RIMS1: variants seen among roughly 807,000 people sequenced by gnomAD.
RIMS1 encodes regulating synaptic membrane exocytosis protein 1.
RIMS1 carries 83 observed loss-of-function variants against 214.1 expected under a neutral mutation model. The observed-to-expected ratio is 0.39, with a 90% CI of 0.32 to 0.47. The LOEUF is 0.47. RIMS1 is among the 20% of genes least tolerant of loss of function. The pLI, the probability that RIMS1 is intolerant of heterozygous loss-of-function variation, is 0.99. For missense variants in RIMS1, 2,050 were observed against 2,161.8 expected (o/e 0.95, Z 1.03); for synonymous variants, 793 against 786.8 (o/e 1.01, Z -0.13).
At chr6:72,174,726 G>A (rs981390249) in intron 4 of RIMS1, among the ~76,000 whole-genome samples, 1 of 151,822 alleles carries the variant, frequency 6.6e-6, no homozygotes, top group African/African-American at 2.4e-5. Context: ...TATATAAATA[G>A]GATATAGAGT....
In RIMS1 at chr6:72,258,179, A is replaced by C. The variant is rs2076644731; in HGVS notation, c.2825A>C (p.Glu942Ala). Residue 942 changes from glutamate to alanine, a missense_variant, in exon 17 of 34, where the codon GAA becomes GCA. Transcript: ENST00000521978. ...ESKSTTLTVP[E>A]QQRTTHHRSR... ...AAATCTACAACATTAACTGTGCCAG[A>C]ACAGCAAAGAACAACTCATCACCGC... 1 of 1,613,214 alleles carries C rather than the reference A, an allele frequency of 6.2e-7. No homozygotes were observed. Among genetic ancestry groups the C allele is most frequent in the Non-Finnish European group, 8.5e-7 (1 of 1,179,536 alleles).
chr6:72,335,410 T>C (rs536523612), intron 29 of RIMS1, among the ~76,000 whole-genome samples: 1 of 152,054 alleles, frequency 6.6e-6, no homozygotes, highest in South Asian at 2.1e-4. Flanking sequence ...GGCTTCATCC[T>C]TTTTTATGGC....
In RIMS1 at chr6:72,182,789, G is replaced by A; in HGVS notation, c.1318G>A (p.Gly440Ser). The change falls in exon 6 of 34, where the codon GGC becomes AGC. Residue 440 changes from glycine to serine, a missense_variant. Gly to Ser is a moderately conservative substitution (Grantham distance 56). Coordinates refer to ENST00000521978, the MANE Select transcript of RIMS1 (RefSeq NM_014989.7). ...AERTAETRAP[G>S]AKQLTNHSPP... The stretch of plus-strand genomic sequence containing the variant: ...GAGAACTGCGGAGACCAGGGCGCCG[G>A]GCGCCAAGCAGCTAACGAACCACAG... 1.3e-6 allele frequency: 2 copies of A among 1,546,456 alleles called. No homozygotes were observed. Among genetic ancestry groups the A allele is most frequent in the South Asian group, 1.2e-5 (1 of 84,270 alleles).
At position 71,972,231 on chromosome 6, in the gene RIMS1, G is replaced by T. The variant is rs143580751; in HGVS notation, c.245+3168G>T. On this transcript the variant is annotated intron_variant, in intron 2 of 33. Coordinates refer to ENST00000521978, the MANE Select transcript of RIMS1 (RefSeq NM_014989.7). ...AAAATCAAGAAATAAGGGATGAAAA[G>T]TGTGCTTTGGTTTTCGTCATATAGA... Among the ~76,000 whole-genome samples the T allele has an allele frequency of 7.8e-3, 1,184 of 152,260 alleles. 14 individuals carry two copies. Among genetic ancestry groups the T allele is most frequent in the African/African-American group, 0.027 (1,115 of 41,552 alleles).
rs923848042 is a variant in RIMS1 at position 72,182,700 on chromosome 6, G to C, written c.1229G>C (p.Gly410Ala). 1.3e-6 allele frequency: 2 copies of C among 1,506,894 alleles called. No individual in the cohort carries two copies. Among genetic ancestry groups the C allele is most frequent in the East Asian group, 5.2e-5 (2 of 38,150 alleles). 93.3% of individuals were successfully genotyped at this position (1,506,894 alleles called of 1,614,324 possible). A position where few individuals can be genotyped will look rare whatever the true frequency, so the allele number is the denominator to read the frequency against. The change falls in exon 6 of 34, where the codon GGC (glycine) becomes GCC (alanine). Residue 410 changes from glycine (G) to alanine (A), a missense_variant. Transcript: ENST00000521978. ...AGAALPEGKAGKRAPAAARAS... is the reference protein window; with the variant it reads ...AGAALPEGKAAKRAPAAARAS... ...GCGGCGCTGCCGGAGGGCAAGGCCGGCAAACGCGCGCCGGCGGCAGCCAGG... is the reference window on the plus strand; with the variant it reads ...GCGGCGCTGCCGGAGGGCAAGGCCGCCAAACGCGCGCCGGCGGCAGCCAGG...
At chr6:72,252,605 A>C (rs2073927857) in intron 15 of RIMS1, among the ~76,000 whole-genome samples, 156 bp from the exon 16 acceptor site, 1 of 152,218 alleles carries the variant, frequency 6.6e-6, no homozygotes, top group Non-Finnish European at 1.5e-5. Flanking sequence ...TAGAGAACAA[A>C]CATTTCTTTT....
rs145828744 is a variant in RIMS1, at chr6:72,324,396, T to A, written c.4131-9204T>A. Among the ~76,000 whole-genome samples the A allele has an allele frequency of 3.3e-5, 5 of 152,056 alleles. No homozygotes were observed. The East Asian group carries it at 9.7e-4, about 29-fold the overall frequency. On this transcript the variant is annotated intron_variant, in intron 28 of 33. Coordinates refer to ENST00000521978, the MANE Select transcript of RIMS1 (RefSeq NM_014989.7). ...AAGTAAGTCAAAGTGCATATTTTAA[T>A]CTTTAGGGTAGTCACTAATAGCATA...
intron 19 of RIMS1, 120 bp from the exon 20 acceptor site, chr6:72,264,855 A>T: frequency 1.7e-6 from 1 of 588,188 alleles, no homozygotes; most frequent in Non-Finnish European, 2.9e-6. Flanking sequence ...CTTTTGAGAA[A>T]AAAATGACCA....
chr6:72,148,717 T>G (rs2043088420), intron 4 of RIMS1: 2 of 412,176 alleles, frequency 4.9e-6, no homozygotes, highest in African/African-American at 2.2e-5. Context: ...ACTTGGGTTT[T>G]TTTTTTTTTT....
chr6:72,069,890 T>C (rs1280814719), intron 2 of RIMS1, among the ~76,000 whole-genome samples: 3 of 152,238 alleles, frequency 2.0e-5, no homozygotes, highest in Non-Finnish European at 4.4e-5. Flanking sequence ...TTTGTTTGTA[T>C]GTGTTGGGAT....
intron 29 of RIMS1, among the ~76,000 whole-genome samples, chr6:72,385,358 G>A (rs2098573065): frequency 6.6e-6 from 1 of 152,132 alleles, no homozygotes. Flanking sequence ...GTACATAGAT[G>A]CAGATAATTA....
In RIMS1 at chr6:72,400,914, A is replaced by C. The variant is rs1480498543; in HGVS notation, c.*200A>C. 1 of 541,816 alleles carries C rather than the reference A, an allele frequency of 1.8e-6. No homozygotes were observed. The highest frequency in any genetic ancestry group is 3.3e-6 in the Non-Finnish European group (1 of 305,662). The allele number at this position is 541,816 out of a possible 1,614,324, so 33.6% of individuals were successfully genotyped here. Reference sequence around the variant, plus strand: ...GAACAAGGCAATCTATCAAATTTACAGGAAGAATCAACATGCTGGTGAGAG... The same window carrying C: ...GAACAAGGCAATCTATCAAATTTACCGGAAGAATCAACATGCTGGTGAGAG... On this transcript the variant is annotated 3_prime_UTR_variant, in exon 34 of 34. Coordinates refer to ENST00000521978, the MANE Select transcript of RIMS1 (RefSeq NM_014989.7).
chr6:72,138,873 G>T, intron 4 of RIMS1, among the ~76,000 whole-genome samples: 1 of 152,156 alleles, frequency 6.6e-6, no homozygotes, highest in East Asian at 1.9e-4. Flanking sequence ...GGTTACTACT[G>T]CTTGTTGTGA....
Position 72,245,946 on chromosome 6 carries a change from A to G in RIMS1, c.2128+85A>G, listed in dbSNP as rs192732886. 1.3e-3 allele frequency: 1,274 copies of G among 973,440 alleles called. 4 individuals are homozygous for G. Among genetic ancestry groups the G allele is most frequent in the Non-Finnish European group, 7.3e-4 (457 of 623,596 alleles). 60.3% of individuals were successfully genotyped at this position (973,440 alleles called of 1,614,324 possible). ...CTAATTTTCTTTAGTTATTTGATAT[A>G]ATGAATTGGGGTTACTATACTAAAG... is the stretch of plus-strand genomic sequence containing the variant. On this transcript the variant is annotated intron_variant, in intron 11 of 33. Transcript: ENST00000521978.
intron 4 of RIMS1, among the ~76,000 whole-genome samples, chr6:72,123,279 G>A (rs2038812523): frequency 6.6e-6 from 1 of 151,830 alleles, no homozygotes; most frequent in Non-Finnish European, 1.5e-5. Flanking sequence ...TAGTTGAGCT[G>A]TTTTGAGTGA....
intron 2 of RIMS1, among the ~76,000 whole-genome samples, chr6:71,975,761 A>T (rs967516531): frequency 2.6e-5 from 4 of 152,048 alleles, no homozygotes; most frequent in African/African-American, 4.8e-5. Context: ...ATCTGAAACC[A>T]TTACTTTCTA....
intron 6 of RIMS1, 88 bp from the exon 7 acceptor site, chr6:72,233,685 C>G (rs1254883008): frequency 9.3e-6 from 9 of 965,686 alleles, no homozygotes; most frequent in South Asian, 4.2e-5. Flanking sequence ...GATATTAAAA[C>G]TCTTTATAGA....
chr6:72,285,675 CT>C (rs1490894331), intron 24 of RIMS1, among the ~76,000 whole-genome samples: 4 of 152,102 alleles, frequency 2.6e-5, no homozygotes, highest in Non-Finnish European at 5.9e-5. Context: ...GATAGATAGC[CT>C]TTGATGAAAC....
At chr6:72,095,100 G>A (rs1262115133) in intron 2 of RIMS1, among the ~76,000 whole-genome samples, 1 of 144,368 alleles carries the variant, frequency 6.9e-6, no homozygotes, top group East Asian at 2.0e-4. Flanking sequence ...TACAGCCACC[G>A]CCACCACGCC....
Sources: allele counts gnomAD v4.1 joint callset (sites outside exome capture counted in the v4.1 genomes callset), GRCh38; gene constraint gnomAD v4.1.1; transcripts MANE v1.5; gene names NCBI Gene and HGNC (gene_info 2026-07-23, HGNC 2026-07-21).